SLCO3A1: variants seen among roughly 807,000 people sequenced by gnomAD.
SLCO3A1 encodes the protein solute carrier organic anion transporter family member 3A1.
SLCO3A1 carries 27 observed loss-of-function variants against 63.1 expected under a neutral mutation model. The ratio of observed to expected loss-of-function variants is 0.43; its 90% confidence interval spans 0.32 to 0.59. SLCO3A1 has a LOEUF of 0.59. Among genes scored for constraint, SLCO3A1 ranks in the 20% least tolerant of loss-of-function variants. The pLI, the probability that SLCO3A1 is intolerant of heterozygous loss-of-function variation, is 0.09. For missense variants in SLCO3A1, 773 were observed against 945.8 expected, an observed-to-expected ratio of 0.82 and a Z score of 2.40; for synonymous variants, 473 against 409.9, an observed-to-expected ratio of 1.15 and a Z score of -1.86.
chr15:91,964,496 A>G (rs1900583753), intron 2 of SLCO3A1, among the ~76,000 whole-genome samples: 1 of 151,772 alleles, frequency 6.6e-6, no homozygotes, highest in African/African-American at 2.4e-5. Flanking sequence ...AGCTCTGTGT[A>G]GTAGCTCTTG....
intron 1 of SLCO3A1, among the ~76,000 whole-genome samples, chr15:91,893,590 C>T (rs960022253): frequency 6.6e-6 from 1 of 152,176 alleles, no homozygotes; most frequent in African/African-American, 2.4e-5. Flanking sequence ...CTCCCAAAGG[C>T]TTCACCTCCT....
chr15:91,911,393 G>C (rs895328873), intron 1 of SLCO3A1, among the ~76,000 whole-genome samples: 1 of 152,078 alleles, frequency 6.6e-6, no homozygotes, highest in Non-Finnish European at 1.5e-5. Context: ...TGTTAGAAAC[G>C]CATAGTCTAG....
intron 2 of SLCO3A1, among the ~76,000 whole-genome samples, chr15:92,028,697 G>C (rs1160505897): frequency 6.6e-6 from 1 of 152,156 alleles, no homozygotes; most frequent in Non-Finnish European, 1.5e-5. Flanking sequence ...AAGCAAAGTA[G>C]ATTTTGTTCC....
intron 2 of SLCO3A1, among the ~76,000 whole-genome samples, chr15:92,075,634 A>G (rs1285654038): frequency 6.6e-6 from 1 of 152,240 alleles, no homozygotes; most frequent in Non-Finnish European, 1.5e-5. Flanking sequence ...TAGTTTGGCC[A>G]TGTTGAATCC....
At chr15:92,117,801 A>G (rs1487919801) in intron 4 of SLCO3A1, among the ~76,000 whole-genome samples, 1 of 152,254 alleles carries the variant, frequency 6.6e-6, no homozygotes, top group African/African-American at 2.4e-5. Context: ...GCTTCTGTAC[A>G]TGAAGATAAA....
intron 2 of SLCO3A1, among the ~76,000 whole-genome samples, chr15:91,962,414 G>A (rs1161761073): frequency 6.7e-6 from 1 of 149,182 alleles, no homozygotes; most frequent in African/African-American, 2.5e-5. Context: ...AGGAGACAGA[G>A]GTTGCGGTGA....
chr15:92,130,627 C>T (rs527685977), intron 7 of SLCO3A1, among the ~76,000 whole-genome samples: 1 of 152,240 alleles, frequency 6.6e-6, no homozygotes, highest in Non-Finnish European at 1.5e-5. Context: ...CTTGCAGCAG[C>T]AGCAGCAGGC....
At chr15:92,069,808 C>G (rs1293281639) in intron 2 of SLCO3A1, among the ~76,000 whole-genome samples, 5 of 152,222 alleles carry the variant, frequency 3.3e-5, no homozygotes, top group African/African-American at 1.2e-4. Context: ...AAAGCCCTCC[C>G]CGGGAGCTGT....
At chr15:92,169,383 C>CT (rs2048509595), downstream of SLCO3A1, among the ~76,000 whole-genome samples, 1 of 152,214 alleles carries the variant, frequency 6.6e-6, no homozygotes, top group South Asian at 2.1e-4. Context: ...CCCTCCCCAC[C>CT]TTTAGACACT....
At chr15:92,077,780 G>A (rs1279096794) in intron 2 of SLCO3A1, among the ~76,000 whole-genome samples, 1 of 152,132 alleles carries the variant, frequency 6.6e-6, no homozygotes, top group Non-Finnish European at 1.5e-5. Flanking sequence ...TGCAGGCGCT[G>A]GTTCCTTTGG....
chr15:92,009,597 GTGATC>G (rs1445914257), intron 2 of SLCO3A1, among the ~76,000 whole-genome samples: 1 of 152,164 alleles, frequency 6.6e-6, no homozygotes, highest in African/African-American at 2.4e-5. Flanking sequence ...TATGATCTGT[GTGATC>G]TTAGGCAGGT....
chr15:91,867,601 C>T (rs1449154353), intron 1 of SLCO3A1, among the ~76,000 whole-genome samples: 1 of 151,736 alleles, frequency 6.6e-6, no homozygotes, highest in Non-Finnish European at 1.5e-5. Flanking sequence ...AAACTGTGTT[C>T]ACACACAGGA....
chr15:92,147,004 C>T lies in SLCO3A1; in HGVS notation c.1533C>T (p.Cys511=). The change falls in exon 8 of 10, where the codon TGC becomes TGT. Residue 511 remains cysteine (C), a synonymous_variant. Coordinates refer to ENST00000318445, the MANE Select transcript of SLCO3A1 (RefSeq NM_013272.4). ...TTCAGAATCTCACGGGCTGTGCGTG[C>T]CTCACCACCGTCCCTGCTGAGAACG... The part of the protein sequence containing the change: ...CNSTNLTGCA[C]LTTVPAENAT... 1 of 1,613,228 alleles carries T rather than the reference C, an allele frequency of 6.2e-7. No individual in the cohort carries two copies.
downstream of SLCO3A1, among the ~76,000 whole-genome samples, chr15:92,167,285 G>A (rs1042354405): frequency 2.6e-5 from 4 of 152,130 alleles, no homozygotes; most frequent in Non-Finnish European, 4.4e-5. Context: ...CTGGGCTCAC[G>A]CCATTCTCCT....
intron 1 of SLCO3A1, among the ~76,000 whole-genome samples, chr15:91,877,085 T>C (rs985647660): frequency 6.6e-6 from 1 of 152,244 alleles, no homozygotes; most frequent in African/African-American, 2.4e-5. Flanking sequence ...GTGCAACTTA[T>C]GTGACTTGAT....
chr15:92,071,131 G>A (rs1239636396), intron 2 of SLCO3A1, among the ~76,000 whole-genome samples: 4 of 152,184 alleles, frequency 2.6e-5, no homozygotes, highest in Admixed American at 2.6e-4. Context: ...GACTCTCCCT[G>A]GCTGGAGGAC....
At position 92,164,628 on chromosome 15, in the gene SLCO3A1, T is replaced by C; in HGVS notation, c.*1493T>C. On this transcript the variant is annotated 3_prime_UTR_variant, in exon 10 of 10. Transcript: ENST00000318445. ...AGTCTGTAGCATCTCTGATAACGAA[T>C]AGACCCACAAGCTCCTGGAAGCTGT... 2.0e-6 allele frequency: 2 copies of C among 985,326 alleles called. No individual in the cohort carries two copies. Among genetic ancestry groups the C allele is most frequent in the Non-Finnish European group, 1.2e-6 (1 of 829,900 alleles). 61.0% of individuals were successfully genotyped at this position (985,326 alleles called of 1,614,324 possible).
At chr15:92,126,358 C>G (rs2047923327) in intron 6 of SLCO3A1, 99 bp downstream of exon 6, 2 of 956,280 alleles carry the variant, frequency 2.1e-6, no homozygotes, top group Non-Finnish European at 3.3e-6. Flanking sequence ...TCCTAGTGAC[C>G]TGAGGAGACG....
chr15:92,023,801 A>G (rs1360419525), intron 2 of SLCO3A1, among the ~76,000 whole-genome samples: 1 of 152,236 alleles, frequency 6.6e-6, no homozygotes, highest in African/African-American at 2.4e-5. Context: ...ACTTAACTTT[A>G]AAAGTTGAGA....
Sources: gnomAD v4.1 joint callset for allele counts (sites outside exome capture counted in the v4.1 genomes callset) on GRCh38, gnomAD v4.1.1 for gene constraint, MANE v1.5 for transcripts, NCBI Gene and HGNC (gene_info 2026-07-23, HGNC 2026-07-21) for gene names.